The following ENTPD1 variants were observed in gnomAD, a reference collection of about 807,000 sequenced individuals.
ENTPD1 encodes ectonucleoside triphosphate diphosphohydrolase 1, also known as ATP diphosphohydrolase.
ENTPD1 carries 33 observed loss-of-function variants against 57.0 expected under a neutral mutation model. The ratio of observed to expected loss-of-function variants is 0.58; its 90% CI spans 0.44 to 0.77. ENTPD1 has a LOEUF of 0.77. ENTPD1 is among the 30% of genes least tolerant of loss of function. ENTPD1 has a pLI of 0.00. For synonymous variants in ENTPD1, 202 were observed against 218.8 expected, an observed-to-expected ratio of 0.92 and a Z score of 0.68; for missense variants, 501 against 603.4, an observed-to-expected ratio of 0.83 and a Z score of 1.78.
rs2098479641 is a variant in ENTPD1 at position 95,870,882 on chromosome 10, G to A, written c.*4499G>A. The A allele has an allele frequency of 7.5e-5, 74 of 985,322 alleles. No homozygotes were observed. The highest frequency in any genetic ancestry group is 8.8e-5 in the Non-Finnish European group (73 of 829,938). 61.0% of individuals were successfully genotyped at this position (985,322 alleles called of 1,614,324 possible). On this transcript the variant is annotated 3_prime_UTR_variant, in exon 10 of 10. Coordinates refer to ENST00000371205, the MANE Select transcript of ENTPD1 (RefSeq NM_001776.6). Reference sequence around the variant, plus strand: ...TGCTGCAGTAAACATTGATTTTCATGTTTGTGAGTCTGCAAGCCAGCTGGG... The same window carrying A: ...TGCTGCAGTAAACATTGATTTTCATATTTGTGAGTCTGCAAGCCAGCTGGG...
upstream of ENTPD1, among the ~76,000 whole-genome samples, chr10:95,708,916 C>G (rs1566082732): frequency 6.6e-6 from 1 of 152,150 alleles, no homozygotes; most frequent in African/African-American, 2.4e-5. Context: ...GCTCTGGTAG[C>G]AAAAGAACAG....
the ENTPD1 span, among the ~76,000 whole-genome samples, chr10:95,694,609 A>G: frequency 6.6e-6 from 1 of 152,172 alleles, no homozygotes; most frequent in African/African-American, 2.4e-5. Context: ...TAGGGAGAGA[A>G]AGAATAAAAA....
At position 95,809,254 on chromosome 10, in the gene ENTPD1, G is replaced by T. The variant is rs571429653; in HGVS notation, c.17-13983G>T. On this transcript the variant is annotated intron_variant, in intron 1 of 9. Transcript: ENST00000371205. ...TTATTGGGTACACCTCCCAGACAGG[G>T]TGGCAGCCGGGCAGAGGCACCCCCC... Among the ~76,000 whole-genome samples, 27 of 152,302 alleles carry T rather than the reference G, an allele frequency of 1.8e-4. 1 individual carries two copies. The highest frequency in any genetic ancestry group is 1.4e-3 in the Admixed American group (21 of 15,304).
At chr10:95,713,907 A>G (rs2097968624) in intron 1 of ENTPD1, among the ~76,000 whole-genome samples, 1 of 152,278 alleles carries the variant, frequency 6.6e-6, no homozygotes, top group Non-Finnish European at 1.5e-5. Flanking sequence ...CTATTTTGGC[A>G]TAAGTCCAAA....
intron 2 of ENTPD1, among the ~76,000 whole-genome samples, chr10:95,836,630 T>C (rs970614071): frequency 6.6e-6 from 1 of 152,094 alleles, no homozygotes; most frequent in Admixed American, 6.6e-5. Context: ...TACAGAGAAA[T>C]GTTGGGTTTC....
chr10:95,875,101 T>A lies in ENTPD1; in HGVS notation c.*8718T>A, dbSNP rs558521206. 2.0e-5 allele frequency: 3 copies of A among 152,376 alleles called. No homozygotes were observed. The South Asian group carries it at 6.2e-4, about 32-fold the overall frequency. 9.4% of individuals were successfully genotyped at this position (152,376 alleles called of 1,614,324 possible). The stretch of plus-strand genomic sequence containing the variant: ...TGGGGATTAACATTAGGCTCCTTGC[T>A]GCTTATGCAAATTTCTGCAGCCAGC... On this transcript the variant is annotated 3_prime_UTR_variant, in exon 10 of 10. Transcript: ENST00000371205.
chr10:95,823,185 T>G, intron 1 of ENTPD1, 52 bp from the exon 2 acceptor site: 1 of 1,610,612 alleles, frequency 6.2e-7, no homozygotes, highest in Non-Finnish European at 8.5e-7. Context: ...GGGAGGAAAA[T>G]CAGTGTTTTT....
chr10:95,754,430 C>T (rs769388502), upstream of ENTPD1: 1 of 152,104 alleles, frequency 6.6e-6, no homozygotes, highest in Admixed American at 6.6e-5. Context: ...GTCTGTTTCT[C>T]CTGCCTACCC....
intron 1 of ENTPD1, among the ~76,000 whole-genome samples, chr10:95,746,584 A>G (rs1359380575): frequency 6.6e-6 from 1 of 152,164 alleles, no homozygotes; most frequent in African/African-American, 2.4e-5. Flanking sequence ...GCTGAAGTTG[A>G]GAACCATGGC....
Position 95,869,663 on chromosome 10 carries a change from A to G in ENTPD1, c.*3280A>G. The stretch of plus-strand genomic sequence containing the variant: ...CAATTCATCCAATTCTTAATAAGAA[A>G]TATGTAAATAAAATTTTTTAAAATT... On this transcript the variant is annotated 3_prime_UTR_variant, in exon 10 of 10. Transcript: ENST00000371205. 1.0e-6 allele frequency: 1 copy of G among 981,176 alleles called. No individual in the cohort carries two copies. The highest frequency in any genetic ancestry group is 1.7e-5 in the African/African-American group (1 of 57,250). 60.8% of individuals were successfully genotyped at this position (981,176 alleles called of 1,614,324 possible).
At chr10:95,798,649 T>C (rs2098236385) in intron 1 of ENTPD1, among the ~76,000 whole-genome samples, 1 of 152,206 alleles carries the variant, frequency 6.6e-6, no homozygotes, top group Admixed American at 6.5e-5. Flanking sequence ...AAAATTTTCC[T>C]CATTAACTCA....
Position 95,868,615 on chromosome 10 carries a change from C to T in ENTPD1, c.*2232C>T. 1.0e-6 allele frequency: 1 copy of T among 984,422 alleles called. No homozygotes were observed. The highest frequency in any genetic ancestry group is 1.2e-6 in the Non-Finnish European group (1 of 829,016). 61.0% of individuals were successfully genotyped at this position (984,422 alleles called of 1,614,324 possible). On this transcript the variant is annotated 3_prime_UTR_variant, in exon 10 of 10. Coordinates refer to ENST00000371205, the MANE Select transcript of ENTPD1 (RefSeq NM_001776.6). ...TGCACACAATCTATTCTGACCCTCA[C>T]AACAACCCATAAGGGTGTAAATAGT...
chr10:95,710,883 A>C (rs2097965034), upstream of ENTPD1, among the ~76,000 whole-genome samples: 1 of 152,146 alleles, frequency 6.6e-6, no homozygotes, highest in South Asian at 2.1e-4. Context: ...CCAACTTTTT[A>C]CTGAGCACAA....
chr10:95,740,004 T>G (rs779509719), intron 1 of ENTPD1, among the ~76,000 whole-genome samples: 12 of 152,236 alleles, frequency 7.9e-5, no homozygotes, highest in Non-Finnish European at 1.6e-4. Context: ...TTGAAAGGAA[T>G]ATTTTTTCTG....
intron 1 of ENTPD1, among the ~76,000 whole-genome samples, chr10:95,816,445 T>C (rs1199215560): frequency 6.6e-6 from 1 of 152,154 alleles, no homozygotes; most frequent in Non-Finnish European, 1.5e-5. Context: ...TTTGGAAATA[T>C]AGTAGGGTGT....
chr10:95,694,895 A>ATTTT, the ENTPD1 span, among the ~76,000 whole-genome samples: 941 of 98,720 alleles, frequency 9.5e-3, 41 homozygotes, highest in South Asian at 0.02. Context: ...TGAGGAGCTG[A>ATTTT]TTTTTTTTTT....
In ENTPD1 at chr10:95,868,951, C is replaced by A. The variant is rs1417820994; in HGVS notation, c.*2568C>A. ...GACAATCAGCAGACACAACCTAACC[C>A]CAATTATTTTGGCAGGAAGGTTGGT... On this transcript the variant is annotated 3_prime_UTR_variant, in exon 10 of 10. Transcript: ENST00000371205. 2.0e-6 allele frequency: 2 copies of A among 985,122 alleles called. No individual in the cohort carries two copies. The highest frequency in any genetic ancestry group is 2.4e-6 in the Non-Finnish European group (2 of 829,918). 61.0% of individuals were successfully genotyped at this position (985,122 alleles called of 1,614,324 possible).
At chr10:95,777,511 CCTTCCTCTGGAAGCTTCGTCCTAGAG>C in intron 1 of ENTPD1, among the ~76,000 whole-genome samples, 1 of 152,302 alleles carries the variant, frequency 6.6e-6, no homozygotes, top group South Asian at 2.1e-4. Context: ...GCTGCCTGAT[CCTTCCTCTGGAAGCTTCGTCCTAGAG>C]GGGTGCCCGC....
At chr10:95,822,388 C>T (rs973819719) in intron 1 of ENTPD1, among the ~76,000 whole-genome samples, 10 of 151,914 alleles carry the variant, frequency 6.6e-5, no homozygotes, top group African/African-American at 9.7e-5. Flanking sequence ...CCTCTGCCTC[C>T]GGGGTTCAAG....
Sources: allele counts gnomAD v4.1 joint callset (sites outside exome capture counted in the v4.1 genomes callset), GRCh38; gene constraint gnomAD v4.1.1; transcripts MANE v1.5; gene names NCBI Gene and HGNC (gene_info 2026-07-23, HGNC 2026-07-21).